ABAT: variants seen among roughly 807,000 people sequenced by gnomAD.
ABAT encodes 4-aminobutyrate aminotransferase, mitochondrial.
Under a neutral mutation model 64.6 loss-of-function variants are expected in ABAT, and 45 were observed. That is an observed-to-expected ratio of 0.70 (90% CI 0.55 to 0.89). The LOEUF (loss-of-function observed/expected upper bound fraction) is 0.89, where lower values mean the gene tolerates loss of function less well. Ranked by LOEUF, ABAT falls within the 40% of genes least tolerant of loss-of-function variation. The probability of loss-of-function intolerance (pLI) is 0.00; values close to 1 mark genes in which losing one functional copy is unlikely to be tolerated. For synonymous variants in ABAT, 297 were observed against 250.5 expected (o/e 1.19, Z -1.75); for missense variants, 633 against 658.4 (o/e 0.96, Z 0.42).
intron 1 of ABAT, among the ~76,000 whole-genome samples, chr16:8,695,779 C>G (rs2057688104): frequency 6.6e-6 from 1 of 152,224 alleles, no homozygotes. Context: ...AGTAGAGATA[C>G]AGAGCAGTTT....
At chr16:8,712,903 A>G (rs2058109118) in intron 1 of ABAT, 1 of 152,126 alleles carries the variant, frequency 6.6e-6, no homozygotes, top group Non-Finnish European at 1.5e-5. Flanking sequence ...TGCCGTCGTC[A>G]TGGTAACTGA....
intron 1 of ABAT, among the ~76,000 whole-genome samples, chr16:8,719,568 G>A (rs188763262): frequency 1.2e-4 from 18 of 152,286 alleles, no homozygotes; most frequent in East Asian, 1.9e-4. Context: ...GGAGCATGAG[G>A]ATGAGGCAGA....
chr16:8,707,760 T>G (rs1640974), intron 1 of ABAT, among the ~76,000 whole-genome samples: 104,667 of 151,966 alleles, frequency 0.69, 36,916 homozygotes, highest in East Asian at 0.85. Context: ...ATTTATTTAT[T>G]TTGTAGAGAC....
At chr16:8,740,959 T>C (rs1641003) in intron 2 of ABAT, among the ~76,000 whole-genome samples, 25,376 of 152,216 alleles carry the variant, frequency 0.17, 2,157 homozygotes, top group Middle Eastern at 0.22. Flanking sequence ...GCCAGGCTCA[T>C]GTACAGAGCT....
intron 3 of ABAT, among the ~76,000 whole-genome samples, chr16:8,747,891 C>T (rs1192139711): frequency 6.6e-6 from 1 of 151,878 alleles, no homozygotes; most frequent in Non-Finnish European, 1.5e-5. Flanking sequence ...GCTGAATTTC[C>T]AGCCTGTCTA....
At chr16:8,742,464 T>C (rs1222711521) in intron 2 of ABAT, among the ~76,000 whole-genome samples, 2 of 152,204 alleles carry the variant, frequency 1.3e-5, no homozygotes, top group Admixed American at 1.3e-4. Context: ...AGATCTGCAC[T>C]GGTGAAGAGC....
chr16:8,723,269 A>G (rs534706786), intron 1 of ABAT, among the ~76,000 whole-genome samples: 31 of 152,286 alleles, frequency 2.0e-4, no homozygotes, highest in African/African-American at 7.0e-4. Context: ...GAGGCTATTT[A>G]GGATATCATT....
At position 8,707,353 on chromosome 16, in the gene ABAT, A is replaced by ATTTTTTTTTTTTTTTTTT. The variant is rs386384172; in HGVS notation, c.-41-28329_-41-28328insTTTTTTTTTTTTTTTTTT. Among the ~76,000 whole-genome samples, 194 of 123,906 alleles carry ATTTTTTTTTTTTTTTTTT rather than the reference A, an allele frequency of 1.6e-3. 4 individuals are homozygous for ATTTTTTTTTTTTTTTTTT. Among genetic ancestry groups the ATTTTTTTTTTTTTTTTTT allele is most frequent in the South Asian group, 0.014 (49 of 3,582 alleles). The allele number at this position is 123,906 out of a possible 152,430, so 81.3% of individuals were successfully genotyped here. Reference sequence around the variant, plus strand: ...AGGCACACACTACCATGCCAGGGTAATTTTTTTTTTTTTTTTTAGCGGAGA... The same window carrying ATTTTTTTTTTTTTTTTTT: ...AGGCACACACTACCATGCCAGGGTAATTTTTTTTTTTTTTTTTTTTTTTTTTTTTTTTTTTAGCGGAGA... On this transcript the variant is annotated intron_variant, in intron 1 of 15. Coordinates refer to ENST00000268251, the MANE Select transcript of ABAT (RefSeq NM_020686.6).
chr16:8,769,198 T>A (rs1274086410), intron 11 of ABAT, among the ~76,000 whole-genome samples: 3 of 152,208 alleles, frequency 2.0e-5, no homozygotes, highest in East Asian at 1.9e-4. Flanking sequence ...CCAACTCTGA[T>A]ACCAATTTCT....
intron 1 of ABAT, among the ~76,000 whole-genome samples, chr16:8,707,665 G>A (rs1371824824): frequency 6.6e-6 from 1 of 152,210 alleles, no homozygotes; most frequent in Non-Finnish European, 1.5e-5. Context: ...TTCTAAAACA[G>A]CAGCCACACC....
intron 1 of ABAT, among the ~76,000 whole-genome samples, chr16:8,723,827 A>ATATATATATTTT (rs1567286201): frequency 5.0e-5 from 2 of 40,358 alleles, no homozygotes; most frequent in African/African-American, 2.2e-4. Context: ...ATATATATAT[A>ATATATATATTTT]TTTTTTTTTT....
intron 1 of ABAT, among the ~76,000 whole-genome samples, chr16:8,714,411 C>G (rs553697980): frequency 1.3e-5 from 2 of 152,214 alleles, no homozygotes; most frequent in African/African-American, 4.8e-5. Flanking sequence ...CAGTGAGAAT[C>G]TCAGTTGACA....
intron 1 of ABAT, chr16:8,715,204 C>T (rs1427917287): frequency 2.0e-5 from 3 of 152,164 alleles, no homozygotes; most frequent in African/African-American, 4.8e-5. Context: ...ATTCCTAAAA[C>T]GCCAATGTCT....
chr16:8,700,598 A>G (rs1490709496), intron 1 of ABAT, among the ~76,000 whole-genome samples: 1 of 152,004 alleles, frequency 6.6e-6, no homozygotes, highest in Non-Finnish European at 1.5e-5. Flanking sequence ...AAATCCCACA[A>G]TTAATCCCTT....
chr16:8,760,287 C>G (rs1189975777), intron 6 of ABAT: 1 of 152,224 alleles, frequency 6.6e-6, no homozygotes, highest in Non-Finnish European at 1.5e-5. Context: ...GAAGATTTTT[C>G]TTTGACTCAG....
chr16:8,687,177 C>T (rs1596399139), intron 1 of ABAT, among the ~76,000 whole-genome samples: 1 of 152,010 alleles, frequency 6.6e-6, no homozygotes, highest in Admixed American at 6.6e-5. Context: ...AAGTGTTTGC[C>T]GAGAGCACTT....
chr16:8,716,476 G>T (rs2058219455), intron 1 of ABAT, among the ~76,000 whole-genome samples: 1 of 152,220 alleles, frequency 6.6e-6, no homozygotes, highest in South Asian at 2.1e-4. Flanking sequence ...ACCTTGGCCA[G>T]TGATGGGGAA....
chr16:8,678,506 C>T lies in ABAT; in HGVS notation c.-42+3795C>T, dbSNP rs143220283. Among the ~76,000 whole-genome samples, 635 of 152,324 alleles carry T rather than the reference C, an allele frequency of 4.2e-3. 7 individuals are homozygous for T. The highest frequency in any genetic ancestry group is 0.013 in the African/African-American group (539 of 41,574). On this transcript the variant is annotated intron_variant, in intron 1 of 15. Coordinates refer to ENST00000268251, the MANE Select transcript of ABAT (RefSeq NM_020686.6). ...AAAAGACTTGTCTAAGACCATCACCCGCTTCTCCACCAGGCATCAGAGAAA... is the reference window on the plus strand; with the variant it reads ...AAAAGACTTGTCTAAGACCATCACCTGCTTCTCCACCAGGCATCAGAGAAA...
intron 5 of ABAT, among the ~76,000 whole-genome samples, chr16:8,751,714 G>C (rs912676929): frequency 2.6e-5 from 4 of 152,122 alleles, no homozygotes; most frequent in Non-Finnish European, 2.9e-5. Flanking sequence ...GAGGCAGCTG[G>C]AGTTATTATC....
Sources: allele counts gnomAD v4.1 joint callset (sites outside exome capture counted in the v4.1 genomes callset), GRCh38; gene constraint gnomAD v4.1.1; transcripts MANE v1.5; gene names NCBI Gene and HGNC (gene_info 2026-07-23, HGNC 2026-07-21).